The following MAFK variants were observed in gnomAD, a reference collection of about 807,000 sequenced individuals.
The protein encoded by MAFK is MAF bZIP transcription factor K.
In MAFK, 1 loss-of-function variant was observed where a neutral mutation model predicts 9.2. The observed-to-expected ratio is 0.11, with a 90% CI of 0.04 to 0.52. The LOEUF (loss-of-function observed/expected upper bound fraction) is 0.52, where lower values mean the gene tolerates loss of function less well. Ranked by LOEUF, MAFK falls within the 20% of genes least tolerant of loss-of-function variation. MAFK has a pLI of 0.94. For synonymous variants in MAFK, 110 were observed against 107.4 expected (o/e 1.02, Z -0.15); for missense variants, 207 against 236.0 (o/e 0.88, Z 0.81).
In MAFK at chr7:1,532,118, C is replaced by CCTCTGATTCTCCAGGGTGGGCTGATT. The variant is rs1208441194; in HGVS notation, c.-45+1243_-45+1244insATTCTCTGATTCTCCAGGGTGGGCTG. On this transcript the variant is annotated intron_variant, in intron 1 of 2. Coordinates refer to ENST00000343242, the MANE Select transcript of MAFK (RefSeq NM_002360.4). The surrounding 1 kb of genome is among the most constrained non-coding windows in gnomAD (Gnocchi z 4.5). The stretch of plus-strand genomic sequence containing the variant: ...CGGCTCTGGCAGCGCCCTTCCCACC[C>CCTCTGATTCTCCAGGGTGGGCTGATT]CTCTGATTCTCCAGGGTGGGCTGCC... Among the ~76,000 whole-genome samples, 4 of 152,226 alleles carry CCTCTGATTCTCCAGGGTGGGCTGATT rather than the reference C, an allele frequency of 2.6e-5. No individual in the cohort carries two copies. The highest frequency in any genetic ancestry group is 9.6e-5 in the African/African-American group (4 of 41,458).
intron 1 of MAFK, among the ~76,000 whole-genome samples, chr7:1,531,790 G>C (rs997026717): frequency 6.6e-6 from 1 of 152,062 alleles, no homozygotes; most frequent in African/African-American, 2.4e-5. Context: ...CCTTGACCTG[G>C]GTCCGCCTGG....
intron 1 of MAFK, among the ~76,000 whole-genome samples, chr7:1,533,125 C>G (rs973209379): frequency 1.3e-5 from 2 of 152,244 alleles, no homozygotes; most frequent in Admixed American, 6.5e-5. Flanking sequence ...CCCCACCCCC[C>G]GACCAGCTGC....
Position 1,534,091 on chromosome 7 carries a change from G to A in MAFK, c.-45+3193G>A, listed in dbSNP as rs1783967408. Reference sequence around the variant, plus strand: ...TCCTCCAAGCCGGGCCGACAGTCATGGCTTGCTGGAGGGCAGCCAGCCAGG... The same window carrying A: ...TCCTCCAAGCCGGGCCGACAGTCATAGCTTGCTGGAGGGCAGCCAGCCAGG... On this transcript the variant is annotated intron_variant, in intron 1 of 2. Transcript: ENST00000343242. This position sits in a 1 kb window ranked among gnomAD's most constrained non-coding sequence, Gnocchi z 4.3. 1 of 384,476 alleles carries A rather than the reference G, an allele frequency of 2.6e-6. No homozygotes were observed. Among genetic ancestry groups the A allele is most frequent in the Admixed American group, 2.9e-5 (1 of 34,170 alleles). The allele number at this position is 384,476 out of a possible 1,614,324, so 23.8% of individuals were successfully genotyped here. A position where few individuals can be genotyped will look rare whatever the true frequency, so the allele number is the denominator to read the frequency against.
chr7:1,539,115 T>C, intron 1 of MAFK, 34 bp from the exon 2 acceptor site: 1 of 1,572,322 alleles, frequency 6.4e-7, no homozygotes, highest in Admixed American at 1.7e-5. Flanking sequence ...GGCCCTGACC[T>C]GTGCTGGCTT....
intron 1 of MAFK, among the ~76,000 whole-genome samples, chr7:1,531,676 C>T (rs1783909564): frequency 6.6e-6 from 1 of 152,186 alleles, no homozygotes; most frequent in Admixed American, 6.5e-5. Context: ...TGTGTATGTG[C>T]CCGTGACTGT....
chr7:1,537,025 C>T (rs944001938), intron 1 of MAFK, among the ~76,000 whole-genome samples: 2 of 152,230 alleles, frequency 1.3e-5, no homozygotes, highest in Non-Finnish European at 1.5e-5. Context: ...GGGGCACAGG[C>T]GTGCTTCAGT....
Position 1,540,352 on chromosome 7 carries a change from G to T in MAFK, c.448G>T (p.Val150Leu). The change falls in exon 3 of 3, where the codon GTG (valine) becomes TTG (leucine). Residue 150 changes from valine to leucine, a missense_variant. Physicochemically the swap from Val to Leu is conservative, Grantham distance 32 (BLOSUM62 1). Transcript: ENST00000343242. ...GTCCACCGAGCTCTCCTCCACCTCC[G>T]TGCCCTTCTCGGCTGCATCCTAGTG... is the stretch of plus-strand genomic sequence containing the variant. ...VKSTELSSTS[V>L]PFSAAS 6.3e-7 allele frequency: 1 copy of T among 1,599,432 alleles called. No individual in the cohort carries two copies.
At chr7:1,533,124 C>A (rs962012847) in intron 1 of MAFK, among the ~76,000 whole-genome samples, 2 of 152,232 alleles carry the variant, frequency 1.3e-5, no homozygotes, top group Non-Finnish European at 2.9e-5. Flanking sequence ...GCCCCACCCC[C>A]CGACCAGCTG....
Position 1,532,069 on chromosome 7 carries a change from G to T in MAFK, c.-45+1171G>T, listed in dbSNP as rs932815594. ...AACGCCCCCCACCGCCCCCCATCGT[G>T]GTCTAGGGGATATCTGTGTGGTTCG... On this transcript the variant is annotated intron_variant, in intron 1 of 2. Transcript: ENST00000343242. The surrounding 1 kb of genome is among the most constrained non-coding windows in gnomAD (Gnocchi z 4.5). Among the ~76,000 whole-genome samples the T allele has an allele frequency of 3.3e-5, 5 of 152,230 alleles. No homozygotes were observed. The highest frequency in any genetic ancestry group is 1.2e-4 in the African/African-American group (5 of 41,466).
In MAFK at chr7:1,533,953, G is replaced by C. The variant is rs543357130; in HGVS notation, c.-45+3055G>C. The C allele has an allele frequency of 4.8e-4, 140 of 293,906 alleles. No individual in the cohort carries two copies. In the Middle Eastern group the frequency reaches 5.2e-3, roughly 11 times the overall value. The allele number at this position is 293,906 out of a possible 1,614,324, so 18.2% of individuals were successfully genotyped here. A position where few individuals can be genotyped will look rare whatever the true frequency, so the allele number is the denominator to read the frequency against. On this transcript the variant is annotated intron_variant, in intron 1 of 2. Coordinates refer to ENST00000343242, the MANE Select transcript of MAFK (RefSeq NM_002360.4). ...GTGGGAGCCAGGGCGGGGACTGGAG[G>C]GGGTGTGGTGTGTTCTGCAGTCTGC...
Position 1,540,124 on chromosome 7 carries a change from A to T in MAFK, c.220A>T (p.Thr74Ser). 1 of 1,574,486 alleles carries T rather than the reference A, an allele frequency of 6.4e-7. No homozygotes were observed. The highest frequency in any genetic ancestry group is 2.3e-5 in the East Asian group (1 of 43,000). The part of the protein sequence containing the change: ...YAASCRIKRV[T>S]QKEELERQRV... ...GGCCAGCTGCCGCATCAAGCGGGTG[A>T]CGCAGAAGGAGGAGCTGGAGCGGCA... The change falls in exon 3 of 3, where the codon ACG (threonine) becomes TCG (serine). Residue 74 changes from threonine (T) to serine (S), a missense_variant. Physicochemically the swap from Thr to Ser is moderately conservative, Grantham distance 58. Coordinates refer to ENST00000343242, the MANE Select transcript of MAFK (RefSeq NM_002360.4).
rs1265937575 is a variant in MAFK, at chr7:1,532,309, T to G, written c.-45+1411T>G. ...GGGTCTGGAGAACATAGGTGGGCTG[T>G]GCAGGTGTCTGGGACACACCTACAC... is the stretch of plus-strand genomic sequence containing the variant. On this transcript the variant is annotated intron_variant, in intron 1 of 2. Coordinates refer to ENST00000343242, the MANE Select transcript of MAFK (RefSeq NM_002360.4). The surrounding 1 kb of genome is among the most constrained non-coding windows in gnomAD (Gnocchi z 4.5). Among the ~76,000 whole-genome samples, 2 of 152,182 alleles carry G rather than the reference T, an allele frequency of 1.3e-5. No homozygotes were observed. Among genetic ancestry groups the G allele is most frequent in the Non-Finnish European group, 2.9e-5 (2 of 68,034 alleles).
At position 1,539,254 on chromosome 7, in the gene MAFK, G is replaced by A. The variant is rs138099109; in HGVS notation, c.36+26G>A. 14,979 of 1,596,430 alleles carry A rather than the reference G, an allele frequency of 9.4e-3. 94 individuals carry two copies. The highest frequency in any genetic ancestry group is 0.011 in the Non-Finnish European group (12,654 of 1,167,658). The stretch of plus-strand genomic sequence containing the variant: ...GTAAGGCTGGTTCCAAGCAGGCCCC[G>A]TCTCAAGCACAGGCGTGGGAAAGGC... On this transcript the variant is annotated intron_variant, in intron 2 of 2. Transcript: ENST00000343242.
chr7:1,535,598 T>C (rs58943706), intron 1 of MAFK, among the ~76,000 whole-genome samples: 99,159 of 152,156 alleles, frequency 0.65, 32,979 homozygotes, highest in African/African-American at 0.78. Context: ...TGCAGTGAGC[T>C]GTGATTTCAC....
At chr7:1,537,673 C>T in intron 1 of MAFK, 2 of 985,534 alleles carry the variant, frequency 2.0e-6, no homozygotes, top group South Asian at 4.7e-5. Context: ...GCGGACTCGG[C>T]AGCCTGGCGC....
rs1049962869 is a variant in MAFK at position 1,539,904 on chromosome 7, G to A, written c.37-37G>A. 2.4e-5 allele frequency: 35 copies of A among 1,471,548 alleles called. No homozygotes were observed. The East Asian group carries it at 4.0e-4, about 17-fold the overall frequency. The allele number at this position is 1,471,548 out of a possible 1,614,324, so 91.2% of individuals were successfully genotyped here. ...TGTCGGTCCCAGGCAGACACCCCACGTTCTCCCGCCGCTGACCCCGCACTG... is the reference window on the plus strand; with the variant it reads ...TGTCGGTCCCAGGCAGACACCCCACATTCTCCCGCCGCTGACCCCGCACTG... On this transcript the variant is annotated intron_variant, in intron 2 of 2. Transcript: ENST00000343242.
In MAFK at chr7:1,538,122, T is replaced by G. The variant is rs564277558; in HGVS notation, c.-44-1027T>G. The stretch of plus-strand genomic sequence containing the variant: ...AGGATCGCGTTTGGGCTTCTCGGTT[T>G]CCATGACAACCGTGGGGGCTGGCTC... On this transcript the variant is annotated intron_variant, in intron 1 of 2. Coordinates refer to ENST00000343242, the MANE Select transcript of MAFK (RefSeq NM_002360.4). 18 of 280,688 alleles carry G rather than the reference T, an allele frequency of 6.4e-5. No individual in the cohort carries two copies. The East Asian group carries it at 3.0e-3, about 46-fold the overall frequency. 17.4% of individuals were successfully genotyped at this position (280,688 alleles called of 1,614,324 possible).
At position 1,541,205 on chromosome 7, in the gene MAFK, C is replaced by T. The variant is rs1784177194; in HGVS notation, c.*830C>T. 6.5e-6 allele frequency: 1 copy of T among 152,976 alleles called. No homozygotes were observed. The highest frequency in any genetic ancestry group is 1.5e-5 in the Non-Finnish European group (1 of 68,294). 9.5% of individuals were successfully genotyped at this position (152,976 alleles called of 1,614,324 possible). Reference sequence around the variant, plus strand: ...AGCCCCTGCCCACGGGATCCGGCCCCCCAGACACCGACCCCACAGGCCGTC... The same window carrying T: ...AGCCCCTGCCCACGGGATCCGGCCCTCCAGACACCGACCCCACAGGCCGTC... On this transcript the variant is annotated 3_prime_UTR_variant, in exon 3 of 3. Coordinates refer to ENST00000343242, the MANE Select transcript of MAFK (RefSeq NM_002360.4).
rs778007803 is a variant in MAFK at position 1,531,870 on chromosome 7, G to A, written c.-45+972G>A. ...TGTGTCCGTGTTCGCGGGGCCTCCC[G>A]TGTCCCTCTCCTGGTGTCCTGCGTC... is the stretch of plus-strand genomic sequence containing the variant. On this transcript the variant is annotated intron_variant, in intron 1 of 2. Transcript: ENST00000343242. 5.9e-5 allele frequency among the ~76,000 whole-genome samples: 9 copies of A among 152,234 alleles called. No homozygotes were observed. In the East Asian group the frequency reaches 7.7e-4, roughly 13 times the overall value.
Sources: gnomAD v4.1 joint callset for allele counts (sites outside exome capture counted in the v4.1 genomes callset) on GRCh38, gnomAD v4.1.1 for gene constraint, Gnocchi (gnomAD v3.1) non-coding constraint, MANE v1.5 for transcripts, NCBI Gene and HGNC (gene_info 2026-07-23, HGNC 2026-07-21) for gene names.